EIF4G3: variants seen among roughly 807,000 people sequenced by gnomAD.
EIF4G3 encodes the protein eukaryotic translation initiation factor 4 gamma 3, also known as eIF-4-gamma 3.
EIF4G3 carries 34 observed loss-of-function variants against 186.4 expected under a neutral mutation model. That is an observed-to-expected ratio of 0.18 (90% CI 0.14 to 0.24). The LOEUF (loss-of-function observed/expected upper bound fraction) is 0.24, where lower values mean the gene tolerates loss of function less well. EIF4G3 is among the 10% of genes least tolerant of loss of function. The pLI, the probability that EIF4G3 is intolerant of heterozygous loss-of-function variation, is 1.00. For synonymous variants in EIF4G3, 673 were observed against 679.5 expected (o/e 0.99, Z 0.15); for missense variants, 1,536 against 1,948.5 (o/e 0.79, Z 3.99).
chr1:21,004,402 A>C (rs948805145), intron 4 of EIF4G3, among the ~76,000 whole-genome samples: 1 of 152,226 alleles, frequency 6.6e-6, no homozygotes, highest in Non-Finnish European at 1.5e-5. Flanking sequence ...ATTTAAAATG[A>C]AATGCCACCA....
intron 9 of EIF4G3, among the ~76,000 whole-genome samples, 188 bp downstream of exon 9, chr1:20,980,860 A>C (rs934651954): frequency 6.6e-6 from 1 of 152,204 alleles, no homozygotes; most frequent in African/African-American, 2.4e-5. Context: ...ATTTTAAGTA[A>C]ACAGATGTAG....
rs1459228458 is a variant in EIF4G3 at position 21,023,877 on chromosome 1, C to T, written c.-66-21069G>A. Among the ~76,000 whole-genome samples the T allele has an allele frequency of 5.8e-5, 8 of 137,664 alleles. 1 individual carries two copies. The highest frequency in any genetic ancestry group is 8.1e-5 in the Non-Finnish European group (5 of 61,404). The allele number at this position is 137,664 out of a possible 152,430, so 90.3% of individuals were successfully genotyped here. On this transcript the variant is annotated intron_variant, in intron 4 of 36. Coordinates refer to ENST00000602326, the MANE Select transcript of EIF4G3 (RefSeq NM_001391906.1). ...GGAGCGTCTCTGCCCGGCCGCCCAT[C>T]GTCTGAGATGTGGGGAGCGCCTCTG...
At chr1:21,099,761 T>C (rs1048417336) in intron 2 of EIF4G3, among the ~76,000 whole-genome samples, 3 of 152,308 alleles carry the variant, frequency 2.0e-5, no homozygotes, top group East Asian at 1.9e-4. Flanking sequence ...ACAAAAACCA[T>C]TCATTTTTCA....
chr1:20,863,256 G>A (rs1159539675), intron 22 of EIF4G3, among the ~76,000 whole-genome samples: 2 of 151,908 alleles, frequency 1.3e-5, no homozygotes, highest in African/African-American at 4.8e-5. Context: ...AGAGGGGCCA[G>A]GCATAGTGAC....
chr1:20,855,305 A>C (rs2074555300), intron 25 of EIF4G3, among the ~76,000 whole-genome samples: 1 of 152,204 alleles, frequency 6.6e-6, no homozygotes, highest in South Asian at 2.1e-4. Context: ...GGTCTAGAGA[A>C]TGCATCCAGG....
At chr1:20,815,649 T>TGGG (rs769275151) in intron 34 of EIF4G3, among the ~76,000 whole-genome samples, 7 of 127,210 alleles carry the variant, frequency 5.5e-5, no homozygotes, top group African/African-American at 2.1e-4. Flanking sequence ...GGGAGGGAGG[T>TGGG]GGGGGGGGGT....
intron 13 of EIF4G3, among the ~76,000 whole-genome samples, chr1:20,942,578 A>T (rs1346684261): frequency 6.6e-6 from 1 of 152,196 alleles, no homozygotes; most frequent in Non-Finnish European, 1.5e-5. Flanking sequence ...CCAAAAAATT[A>T]TATATCAAGA....
rs779707539 is a variant in EIF4G3, at chr1:20,865,103, T to A, written c.2769+13A>T. On this transcript the variant is annotated intron_variant, in intron 21 of 36. Transcript: ENST00000602326. ...AAAGTGTACAAGCACTGTCTTTCTA[T>A]GAAAATACTTACAGCACTGGCAGCC... The A allele has an allele frequency of 6.2e-7, 1 of 1,613,958 alleles. No individual in the cohort carries two copies. Among genetic ancestry groups the A allele is most frequent in the East Asian group, 2.2e-5 (1 of 44,864 alleles).
intron 2 of EIF4G3, among the ~76,000 whole-genome samples, chr1:21,170,661 T>C (rs1164409265): frequency 6.6e-6 from 1 of 151,768 alleles, no homozygotes; most frequent in East Asian, 1.9e-4. Context: ...ACAGAGACTC[T>C]GTCTCAAAAA....
chr1:20,981,282 T>A, intron 8 of EIF4G3, 55 bp from the exon 9 acceptor site: 1 of 1,140,930 alleles, frequency 8.8e-7, no homozygotes, highest in Non-Finnish European at 1.2e-6. Flanking sequence ...GGGGAATATA[T>A]AAATTTTACT....
chr1:20,893,036 T>C (rs149427158), intron 18 of EIF4G3: 192 of 288,718 alleles, frequency 6.7e-4, no homozygotes, highest in African/African-American at 3.8e-3. Context: ...GTCTCCCGAG[T>C]AGCTGGGACT....
chr1:20,967,373 T>C (rs906030061), intron 12 of EIF4G3, among the ~76,000 whole-genome samples: 4 of 152,236 alleles, frequency 2.6e-5, no homozygotes, highest in African/African-American at 7.2e-5. Flanking sequence ...AGTTTTGCTA[T>C]AGTGTGCCCC....
intron 2 of EIF4G3, among the ~76,000 whole-genome samples, chr1:21,149,683 C>A (rs1259356570): frequency 1.3e-5 from 2 of 152,218 alleles, no homozygotes; most frequent in African/African-American, 4.8e-5. Flanking sequence ...CCCCATCTCT[C>A]ACCTTAACAT....
chr1:20,887,772 AG>A (rs2084707199), intron 18 of EIF4G3, among the ~76,000 whole-genome samples: 1 of 152,218 alleles, frequency 6.6e-6, no homozygotes, highest in South Asian at 2.1e-4. Flanking sequence ...TAAACCAGAC[AG>A]TACTACTATA....
chr1:21,111,792 T>TC (rs1292927860), intron 2 of EIF4G3, among the ~76,000 whole-genome samples: 1 of 152,236 alleles, frequency 6.6e-6, no homozygotes, highest in Non-Finnish European at 1.5e-5. Flanking sequence ...TGAAAGAATG[T>TC]CTCTCTGCCA....
At position 21,176,305 on chromosome 1, in the gene EIF4G3, C is replaced by T. The variant is rs1297508152; in HGVS notation, c.-402G>A. ...GGGTGAGGAGGCGGTACCGCTGCTG[C>T]CGCCGCCGCCGCCGCTCCGGTGCCG... On this transcript the variant is annotated 5_prime_UTR_variant, in exon 2 of 37. Transcript: ENST00000602326. 8 of 263,948 alleles carry T rather than the reference C, an allele frequency of 3.0e-5. No homozygotes were observed. Among genetic ancestry groups the T allele is most frequent in the African/African-American group, 4.6e-5 (2 of 43,180 alleles). The allele number at this position is 263,948 out of a possible 1,614,324, so 16.4% of individuals were successfully genotyped here.
At chr1:21,141,683 C>T (rs536515093) in intron 2 of EIF4G3, among the ~76,000 whole-genome samples, 1 of 152,028 alleles carries the variant, frequency 6.6e-6, no homozygotes, top group African/African-American at 2.4e-5. Flanking sequence ...TATCCCAACA[C>T]TTTGGGAAGC....
Position 20,858,748 on chromosome 1 carries a change from G to A in EIF4G3, c.3245-1251C>T, listed in dbSNP as rs535050254. ...GCGGTGGCTCACGCCTGTAATCCCA[G>A]CACTTTGGGAGGCCGAGGCAGGTGG... On this transcript the variant is annotated intron_variant, in intron 24 of 36. Coordinates refer to ENST00000602326, the MANE Select transcript of EIF4G3 (RefSeq NM_001391906.1). Among the ~76,000 whole-genome samples the A allele has an allele frequency of 2.9e-3, 441 of 152,282 alleles. 2 individuals carry two copies. Among genetic ancestry groups the A allele is most frequent in the Middle Eastern group, 0.01 (3 of 294 alleles).
intron 3 of EIF4G3, among the ~76,000 whole-genome samples, chr1:21,066,555 A>C (rs978377811): frequency 4.6e-5 from 7 of 152,200 alleles, no homozygotes; most frequent in African/African-American, 1.7e-4. Flanking sequence ...TGACAGTTTA[A>C]ATGCACAAAG....
Sources: allele counts gnomAD v4.1 joint callset (sites outside exome capture counted in the v4.1 genomes callset), GRCh38; gene constraint gnomAD v4.1.1; transcripts MANE v1.5; gene names NCBI Gene and HGNC (gene_info 2026-07-23, HGNC 2026-07-21).